Variants in CTNND2 observed in about 807,000 individuals in gnomAD.
The protein encoded by CTNND2 is catenin delta 2, also known as catenin delta-2.
Under a neutral mutation model 144.4 loss-of-function variants are expected in CTNND2, and 22 were observed. The ratio of observed to expected loss-of-function variants is 0.15; its 90% CI spans 0.11 to 0.22. The LOEUF (loss-of-function observed/expected upper bound fraction) is 0.22, where lower values mean the gene tolerates loss of function less well. Among genes scored for constraint, CTNND2 ranks in the 10% least tolerant of loss-of-function variants. CTNND2 has a pLI of 1.00. For missense variants in CTNND2, 1,353 were observed against 1,618.8 expected, an observed-to-expected ratio of 0.84 and a Z score of 2.82; for synonymous variants, 751 against 695.6, an observed-to-expected ratio of 1.08 and a Z score of -1.25.
At chr5:11,769,681 G>C (rs1439385208) in intron 1 of CTNND2, among the ~76,000 whole-genome samples, 2 of 152,008 alleles carry the variant, frequency 1.3e-5, no homozygotes, top group African/African-American at 2.4e-5. Flanking sequence ...GATACTAAGT[G>C]GACAGTACAT....
intron 12 of CTNND2, among the ~76,000 whole-genome samples, chr5:11,155,166 C>A (rs1560938586): frequency 6.6e-6 from 1 of 152,176 alleles, no homozygotes; most frequent in Non-Finnish European, 1.5e-5. Flanking sequence ...AGCGTTCAGA[C>A]CATGGTCCCT....
chr5:11,867,086 C>T (rs34246659), intron 1 of CTNND2, among the ~76,000 whole-genome samples: 31,591 of 152,004 alleles, frequency 0.21, 3,833 homozygotes, highest in Non-Finnish European at 0.28. Flanking sequence ...CATTTTAACG[C>T]TTTCTGGACT....
chr5:11,231,391 C>T (rs559745900), intron 10 of CTNND2, among the ~76,000 whole-genome samples: 16 of 152,214 alleles, frequency 1.1e-4, no homozygotes, highest in African/African-American at 3.9e-4. Context: ...TTGGAAGTTC[C>T]TAGAGACTTG....
At chr5:11,861,480 C>T (rs1272549349) in intron 1 of CTNND2, among the ~76,000 whole-genome samples, 1 of 152,176 alleles carries the variant, frequency 6.6e-6, no homozygotes, top group East Asian at 1.9e-4. Context: ...AATCTGTCAG[C>T]AAATTCTTTG....
At chr5:11,579,364 A>C (rs942091284) in intron 2 of CTNND2, among the ~76,000 whole-genome samples, 1 of 152,192 alleles carries the variant, frequency 6.6e-6, no homozygotes, top group African/African-American at 2.4e-5. Context: ...ACCCGTCTAC[A>C]TTGCTCCAAT....
At chr5:11,221,292 G>T (rs1410264401) in intron 10 of CTNND2, among the ~76,000 whole-genome samples, 2 of 152,216 alleles carry the variant, frequency 1.3e-5, no homozygotes, top group African/African-American at 4.8e-5. Context: ...GCCAACTGGG[G>T]CACCTGTTCA....
rs561314443 is a variant in CTNND2 at position 10,996,709 on chromosome 5, G to A, written c.3085-4032C>T. Among the ~76,000 whole-genome samples, 248 of 152,128 alleles carry A rather than the reference G, an allele frequency of 1.6e-3. 3 individuals carry two copies. Among genetic ancestry groups the A allele is most frequent in the African/African-American group, 5.7e-3 (236 of 41,504 alleles). On this transcript the variant is annotated intron_variant, in intron 18 of 21. Coordinates refer to ENST00000304623, the MANE Select transcript of CTNND2 (RefSeq NM_001332.4). ...CACCTCCTGGGTTCAAGCAATTCTC[G>A]TGCCTCAGCCTCCCAAATATCTGGG...
intron 1 of CTNND2, among the ~76,000 whole-genome samples, chr5:11,820,562 A>G (rs1186267803): frequency 6.6e-6 from 1 of 152,248 alleles, no homozygotes; most frequent in Non-Finnish European, 1.5e-5. Context: ...AGACGTGCTC[A>G]TGAAGAGTTT....
chr5:11,616,752 A>G (rs568700762), intron 2 of CTNND2, among the ~76,000 whole-genome samples: 1 of 152,080 alleles, frequency 6.6e-6, no homozygotes, highest in South Asian at 2.1e-4. Flanking sequence ...GATTACAGGC[A>G]TGTGCTACCA....
At chr5:11,083,017 GT>G (rs1749753963) in intron 15 of CTNND2, among the ~76,000 whole-genome samples, 171 bp from the exon 16 acceptor site, 1 of 152,166 alleles carries the variant, frequency 6.6e-6, no homozygotes, top group African/African-American at 2.4e-5. Flanking sequence ...CTTTTTAACT[GT>G]ATTTTTTGCC....
chr5:11,315,657 T>G (rs1200157508), intron 9 of CTNND2, among the ~76,000 whole-genome samples: 1 of 152,238 alleles, frequency 6.6e-6, no homozygotes, highest in Non-Finnish European at 1.5e-5. Flanking sequence ...TTAATAATTC[T>G]GAGAGCTAAT....
At chr5:11,443,405 G>GT in intron 3 of CTNND2, among the ~76,000 whole-genome samples, 1 of 54,680 alleles carries the variant, frequency 1.8e-5, no homozygotes, top group African/African-American at 7.8e-5. Flanking sequence ...TGTGTGTGTG[G>GT]GGGGGGTGTG....
At chr5:11,227,087 C>T (rs1467190343) in intron 10 of CTNND2, among the ~76,000 whole-genome samples, 3 of 152,168 alleles carry the variant, frequency 2.0e-5, no homozygotes, top group South Asian at 2.1e-4. Flanking sequence ...ATTTCCTTTG[C>T]TGACAATAGC....
At chr5:11,615,122 G>A (rs899067390) in intron 2 of CTNND2, among the ~76,000 whole-genome samples, 20 of 152,208 alleles carry the variant, frequency 1.3e-4, no homozygotes, top group Middle Eastern at 3.4e-3. Flanking sequence ...TTTAACATAC[G>A]AAAAATTTTG....
intron 1 of CTNND2, among the ~76,000 whole-genome samples, chr5:11,882,756 GTTC>G (rs1736221858): frequency 6.6e-6 from 1 of 152,066 alleles, no homozygotes; most frequent in Non-Finnish European, 1.5e-5. Flanking sequence ...CTCCAGCTCT[GTTC>G]TTCTTGCTCA....
At chr5:11,799,164 A>C (rs1202819122) in intron 1 of CTNND2, among the ~76,000 whole-genome samples, 1 of 152,188 alleles carries the variant, frequency 6.6e-6, no homozygotes, top group Non-Finnish European at 1.5e-5. Context: ...GTCTTAAATC[A>C]TCCATCACAT....
intron 10 of CTNND2, among the ~76,000 whole-genome samples, chr5:11,223,072 T>C (rs1460093091): frequency 3.3e-5 from 5 of 152,214 alleles, no homozygotes; most frequent in Non-Finnish European, 7.3e-5. Context: ...AGGTGACTCC[T>C]GGGCTTTAGC....
intron 9 of CTNND2, among the ~76,000 whole-genome samples, chr5:11,282,365 G>A (rs1240308954): frequency 6.6e-6 from 1 of 152,158 alleles, no homozygotes; most frequent in African/African-American, 2.4e-5. Context: ...AGAGTTAAGA[G>A]GTTCCGGACT....
chr5:11,471,099 T>A (rs1476869888), intron 3 of CTNND2, among the ~76,000 whole-genome samples: 2 of 150,954 alleles, frequency 1.3e-5, no homozygotes, highest in Non-Finnish European at 3.0e-5. Flanking sequence ...TGCTTCAGCC[T>A]CCTGAGTAGC....
Sources: allele counts gnomAD v4.1 joint callset (sites outside exome capture counted in the v4.1 genomes callset), GRCh38; gene constraint gnomAD v4.1.1; transcripts MANE v1.5; gene names NCBI Gene and HGNC (gene_info 2026-07-23, HGNC 2026-07-21).